Variants in HIF1A observed in about 807,000 individuals in gnomAD.
The protein encoded by HIF1A is hypoxia inducible factor 1 subunit alpha.
In HIF1A, 24 loss-of-function variants were observed where a neutral mutation model predicts 92.7. That is an observed-to-expected ratio of 0.26 (90% CI 0.19 to 0.36). The LOEUF is 0.36. HIF1A is among the 10% of genes least tolerant of loss of function. HIF1A has a pLI of 1.00. For missense variants in HIF1A, 799 were observed against 998.5 expected (o/e 0.80, Z 2.69); for synonymous variants, 319 against 338.7 (o/e 0.94, Z 0.64).
At chr14:61,724,381 C>CTCTCTCTCTCTCTCTCTCTCT (rs71117849) in intron 4 of HIF1A, among the ~76,000 whole-genome samples, 1 of 145,210 alleles carries the variant, frequency 6.9e-6, no homozygotes, top group Non-Finnish European at 1.5e-5. Flanking sequence ...CTCTCTCTCT[C>CTCTCTCTCTCTCTCTCTCTCT]CCCCTCCCTC....
At position 61,740,601 on chromosome 14, in the gene HIF1A, G is replaced by C; in HGVS notation, c.1633G>C (p.Glu545Gln). The C allele has an allele frequency of 6.2e-7, 1 of 1,608,084 alleles. No homozygotes were observed. Among genetic ancestry groups the C allele is most frequent in the African/African-American group, 1.3e-5 (1 of 74,666 alleles). Reference sequence around the variant, plus strand: ...AGAAAAACTTTTTGCTGAAGACACAGAAGCAAAGAACCCATTTTCTACTCA... The same window carrying C: ...AGAAAAACTTTTTGCTGAAGACACACAAGCAAAGAACCCATTTTCTACTCA... ...LVEKLFAEDT[E>Q]AKNPFSTQDT... Residue 545 changes from glutamate to glutamine, a missense_variant, in exon 11 of 15, where the codon GAA becomes CAA. By Grantham distance (29) the Glu-to-Gln change is conservative. This residue lies in a region of HIF1A where 516 missense variants were observed against 721.0 expected (regional missense o/e 0.72). Coordinates refer to ENST00000337138, the MANE Select transcript of HIF1A (RefSeq NM_001530.4).
intron 4 of HIF1A, among the ~76,000 whole-genome samples, chr14:61,725,007 C>T (rs771890942): frequency 4.6e-5 from 7 of 152,200 alleles, no homozygotes; most frequent in Admixed American, 2.6e-4. Flanking sequence ...GGACAAACTA[C>T]TATATGCTGT....
At chr14:61,725,032 C>T (rs558668484) in intron 4 of HIF1A, among the ~76,000 whole-genome samples, 2 of 152,266 alleles carry the variant, frequency 1.3e-5, no homozygotes, top group South Asian at 2.1e-4. Flanking sequence ...CAAACATGTC[C>T]TATTTTTCCT....
intron 14 of HIF1A, 59 bp downstream of exon 14, chr14:61,745,876 A>ATTTAGG: frequency 7.1e-7 from 1 of 1,409,840 alleles, no homozygotes; most frequent in East Asian, 2.3e-5. Context: ...AAACATTTTT[A>ATTTAGG]TTTAGGAGCT....
chr14:61,710,834 G>T (rs576466524), intron 1 of HIF1A, among the ~76,000 whole-genome samples: 1 of 152,200 alleles, frequency 6.6e-6, no homozygotes, highest in South Asian at 2.1e-4. Context: ...GCTGAGGCAG[G>T]CGGATCAAGA....
chr14:61,732,334 C>T, intron 6 of HIF1A, 84 bp from the exon 7 acceptor site: 1 of 776,238 alleles, frequency 1.3e-6, no homozygotes, highest in South Asian at 1.5e-5. Flanking sequence ...AGATTAATGC[C>T]TATCAGTTAA....
At chr14:61,703,310 TG>T (rs1216433520) in intron 1 of HIF1A, among the ~76,000 whole-genome samples, 5 of 152,224 alleles carry the variant, frequency 3.3e-5, no homozygotes, top group Non-Finnish European at 5.9e-5. Context: ...GTTTTAAATT[TG>T]GAACACTGGC....
intron 1 of HIF1A, among the ~76,000 whole-genome samples, chr14:61,704,831 A>T (rs1447386771): frequency 6.6e-6 from 1 of 152,196 alleles, no homozygotes; most frequent in African/African-American, 2.4e-5. Context: ...TACAGCATTG[A>T]ATCGTTGATG....
chr14:61,709,266 G>A (rs755588648), intron 1 of HIF1A, among the ~76,000 whole-genome samples: 5 of 152,102 alleles, frequency 3.3e-5, no homozygotes, highest in Non-Finnish European at 7.4e-5. Flanking sequence ...GACCAGGAAA[G>A]ATTTTATTTA....
intron 13 of HIF1A, 134 bp downstream of exon 13, chr14:61,744,947 G>GT (rs1345489921): frequency 1.8e-5 from 9 of 493,550 alleles, no homozygotes; most frequent in East Asian, 3.4e-5. Context: ...TATACATTGG[G>GT]TTTTTTTACT....
chr14:61,710,120 T>G (rs1478779797), intron 1 of HIF1A, among the ~76,000 whole-genome samples: 3 of 151,670 alleles, frequency 2.0e-5, no homozygotes, highest in Admixed American at 6.6e-5. Flanking sequence ...TCATACTCAA[T>G]TTTTTTTGTA....
rs768736177 is a variant in HIF1A, at chr14:61,697,607, T to A, written c.35+1768T>A. 6.0e-5 allele frequency: 59 copies of A among 976,064 alleles called. No homozygotes were observed. The Middle Eastern group carries it at 1.3e-3, about 21-fold the overall frequency. 60.5% of individuals were successfully genotyped at this position (976,064 alleles called of 1,614,324 possible). A position where few individuals can be genotyped will look rare whatever the true frequency, so the allele number is the denominator to read the frequency against. The stretch of plus-strand genomic sequence containing the variant: ...AGATTTTCCTCAGCCCATCTGTTAC[T>A]TTCAAAATTTTCTCATTTGAAAACT... On this transcript the variant is annotated intron_variant, in intron 1 of 14. Coordinates refer to ENST00000337138, the MANE Select transcript of HIF1A (RefSeq NM_001530.4).
intron 7 of HIF1A, 115 bp downstream of exon 7, chr14:61,732,639 C>T (rs2044590472): frequency 6.7e-6 from 4 of 599,246 alleles, no homozygotes; most frequent in East Asian, 5.3e-5. Context: ...AATGTGTTAA[C>T]AGGCCTATTC....
At chr14:61,734,080 T>C (rs989223337) in intron 7 of HIF1A, 58 bp from the exon 8 acceptor site, 15 of 1,184,504 alleles carry the variant, frequency 1.3e-5, no homozygotes, top group Non-Finnish European at 1.6e-5. Flanking sequence ...GTTCATTTAA[T>C]TGAAAATTCA....
chr14:61,735,415 T>C (rs1038811475), intron 8 of HIF1A, among the ~76,000 whole-genome samples: 2 of 152,190 alleles, frequency 1.3e-5, no homozygotes, highest in African/African-American at 4.8e-5. Flanking sequence ...AATCTTCCAC[T>C]TGGAATGTCT....
At chr14:61,711,401 A>G (rs1449874260) in intron 1 of HIF1A, among the ~76,000 whole-genome samples, 1 of 152,108 alleles carries the variant, frequency 6.6e-6, no homozygotes, top group African/African-American at 2.4e-5. Context: ...CATTAACTAT[A>G]ACTCACACAT....
At chr14:61,714,392 C>A (rs895460323) in intron 1 of HIF1A, among the ~76,000 whole-genome samples, 29 of 152,164 alleles carry the variant, frequency 1.9e-4, no homozygotes, top group African/African-American at 6.8e-4. Flanking sequence ...TATTTCAGTT[C>A]CTAAAATTCC....
In HIF1A at chr14:61,725,477, C is replaced by T. The variant is rs113843159; in HGVS notation, c.458-1229C>T. Among the ~76,000 whole-genome samples the T allele has an allele frequency of 5.1e-3, 774 of 152,136 alleles. 6 individuals are homozygous for T. The highest frequency in any genetic ancestry group is 0.017 in the African/African-American group (726 of 41,500). ...TCACCCAGGCTGGAGTGCAGTGGCA[C>T]AATCTCAGTTCACTACAACCTCTGC... is the stretch of plus-strand genomic sequence containing the variant. On this transcript the variant is annotated intron_variant, in intron 4 of 14. Transcript: ENST00000337138.
Position 61,745,822 on chromosome 14 carries a change from G to A in HIF1A, c.2329+5G>A. On this transcript the variant is annotated splice_donor_5th_base_variant and intron_variant, in intron 14 of 14. Transcript: ENST00000337138. Reference sequence around the variant, plus strand: ...CAATTATTTTAATACCCTCTGGTTAGTTTATTCTTTTTGACCTTGAACATC... The same window carrying A: ...CAATTATTTTAATACCCTCTGGTTAATTTATTCTTTTTGACCTTGAACATC... 6.2e-7 allele frequency: 1 copy of A among 1,600,912 alleles called. No homozygotes were observed. Among genetic ancestry groups the A allele is most frequent in the Non-Finnish European group, 8.5e-7 (1 of 1,173,520 alleles).
Sources: allele counts gnomAD v4.1 joint callset (sites outside exome capture counted in the v4.1 genomes callset), GRCh38; gene constraint gnomAD v4.1.1; regional missense constraint gnomAD v4.1.1; transcripts MANE v1.5; gene names NCBI Gene and HGNC (gene_info 2026-07-23, HGNC 2026-07-21).